PI16: variants seen among roughly 807,000 people sequenced by gnomAD.
PI16 encodes peptidase inhibitor 16, also known as PSP94-binding protein.
PI16 carries 35 observed loss-of-function variants against 38.0 expected under a neutral mutation model. That is an observed-to-expected ratio of 0.92 (90% confidence interval 0.70 to 1.22). PI16 has a LOEUF of 1.22. Ranked by LOEUF, PI16 falls within the 50% of genes most tolerant of loss-of-function variation. The pLI, the probability that PI16 is intolerant of heterozygous loss-of-function variation, is 0.00. For missense variants in PI16, 572 were observed against 593.8 expected, an observed-to-expected ratio of 0.96 and a Z score of 0.38; for synonymous variants, 275 against 252.9, an observed-to-expected ratio of 1.09 and a Z score of -0.83.
At position 36,959,500 on chromosome 6, in the gene PI16, G is replaced by A. The variant is rs1763297326; in HGVS notation, c.393+134G>A. On this transcript the variant is annotated intron_variant, in intron 2 of 6. Coordinates refer to ENST00000373674, the MANE Select transcript of PI16 (RefSeq NM_153370.3). Reference sequence around the variant, plus strand: ...TGCAAGTAGGCGGGCTTCACTCCAAGCCCCCTCAGACACTTTGCAAATCTT... The same window carrying A: ...TGCAAGTAGGCGGGCTTCACTCCAAACCCCCTCAGACACTTTGCAAATCTT... 1.0e-5 allele frequency: 9 copies of A among 858,722 alleles called. No individual in the cohort carries two copies. In the South Asian group the frequency reaches 1.6e-4, roughly 15 times the overall value. The allele number at this position is 858,722 out of a possible 1,614,324, so 53.2% of individuals were successfully genotyped here.
intron 2 of PI16, among the ~76,000 whole-genome samples, chr6:36,960,892 C>T (rs1196465671): frequency 6.6e-6 from 1 of 152,084 alleles, no homozygotes; most frequent in African/African-American, 2.4e-5. Context: ...TGGCAGCACA[C>T]AAATGTTGTT....
At chr6:36,951,910 C>A (rs983678787), upstream of PI16, among the ~76,000 whole-genome samples, 1 of 151,434 alleles carries the variant, frequency 6.6e-6, no homozygotes, top group Non-Finnish European at 1.5e-5. Context: ...AAAACAACAA[C>A]AAAAAACCCA....
At chr6:36,955,399 G>A (rs563226232) in intron 1 of PI16, among the ~76,000 whole-genome samples, 3 of 152,288 alleles carry the variant, frequency 2.0e-5, no homozygotes, top group Admixed American at 1.3e-4. Context: ...GGATGGGCGT[G>A]GGCACGTGGA....
At position 36,962,352 on chromosome 6, in the gene PI16, C is replaced by T. The variant is rs965041003; in HGVS notation, c.592+378C>T. ...CTTGCTGGGGGCGTGTGAGGGACCG[C>T]GATCCCGCTGGAGAAGTCCCCTGAA... is the stretch of plus-strand genomic sequence containing the variant. On this transcript the variant is annotated intron_variant, in intron 4 of 6. Transcript: ENST00000373674. The surrounding 1 kb of genome is among the most constrained non-coding windows in gnomAD (Gnocchi z 4.1). Among the ~76,000 whole-genome samples the T allele has an allele frequency of 8.5e-5, 13 of 152,170 alleles. No homozygotes were observed. The highest frequency in any genetic ancestry group is 2.9e-4 in the African/African-American group (12 of 41,428).
intron 1 of PI16, among the ~76,000 whole-genome samples, chr6:36,956,190 G>C (rs1231233213): frequency 1.3e-5 from 2 of 152,240 alleles, no homozygotes; most frequent in African/African-American, 4.8e-5. Flanking sequence ...GATCTAGGAA[G>C]AGCTCTGCAC....
exon 1 of PI16, chr6:36,948,375 C>T (rs937523268): frequency 2.0e-5 from 3 of 152,282 alleles, no homozygotes; most frequent in African/African-American, 7.2e-5. Flanking sequence ...TGTGTCCTTC[C>T]ATTCCTGAGT....
upstream of PI16, among the ~76,000 whole-genome samples, chr6:36,953,020 G>C (rs116557933): frequency 1.8e-3 from 278 of 152,176 alleles, no homozygotes; most frequent in African/African-American, 6.5e-3. Context: ...TGCTTCCTTG[G>C]TTAAGTTTAT....
chr6:36,956,215 C>T (rs1394684260), intron 1 of PI16, among the ~76,000 whole-genome samples: 2 of 152,190 alleles, frequency 1.3e-5, no homozygotes, highest in South Asian at 2.1e-4. Flanking sequence ...CCAGCACTGC[C>T]GTTCACAGCT....
intron 1 of PI16, among the ~76,000 whole-genome samples, chr6:36,948,682 T>TTCCTCCTTCCTC (rs1763053342): frequency 9.4e-6 from 1 of 106,316 alleles, no homozygotes; most frequent in Non-Finnish European, 2.0e-5. Context: ...CCTCCCTCCT[T>TTCCTCCTTCCTC]CCTCCCTCCT....
Position 36,954,769 on chromosome 6 carries a change from C to T in PI16, c.9C>T (p.Gly3=), listed in dbSNP as rs1561893613. ...AGAGACGGCTGGCCACCATGCACGG[C>T]TCCTGCAGTTTCCTGATGCTTCTGC... is the stretch of plus-strand genomic sequence containing the variant. MH[G]SCSFLMLLLP... is the part of the protein sequence containing the mutation. The change falls in exon 1 of 7, where the codon GGC becomes GGT. Residue 3 remains glycine (G), a synonymous_variant. Coordinates refer to ENST00000373674, the MANE Select transcript of PI16 (RefSeq NM_153370.3). 5 of 1,612,866 alleles carry T rather than the reference C, an allele frequency of 3.1e-6. No individual in the cohort carries two copies. The highest frequency in any genetic ancestry group is 4.2e-6 in the Non-Finnish European group (5 of 1,179,644).
In PI16 at chr6:36,961,889, G is replaced by A. The variant is rs761884137; in HGVS notation, c.507G>A (p.Gly169=). The change falls in exon 4 of 7, where the codon GGG becomes GGA. Residue 169 remains glycine, a synonymous_variant. Transcript: ENST00000373674. Reference sequence around the variant, plus strand: ...GCATCCTCCTGACCTCCTGTAGGGGGAACGTGAAGGGGAAACGGCCCTACC... The same window carrying A: ...GCATCCTCCTGACCTCCTGTAGGGGAAACGTGAAGGGGAAACGGCCCTACC... The part of the protein sequence containing the change: ...ELLVCNYEPP[G]NVKGKRPYQE... 17 of 1,613,744 alleles carry A rather than the reference G, an allele frequency of 1.1e-5. No homozygotes were observed. In the African/African-American group the frequency reaches 1.1e-4, roughly 10 times the overall value.
chr6:36,960,324 G>GGT (rs1561896570), intron 2 of PI16, among the ~76,000 whole-genome samples: 22 of 73,074 alleles, frequency 3.0e-4, no homozygotes, highest in Non-Finnish European at 5.6e-4. Context: ...TTGCAGATAA[G>GGT]ATGTGTGTGT....
chr6:36,951,917 C>T (rs1486656048), upstream of PI16, among the ~76,000 whole-genome samples: 1 of 151,958 alleles, frequency 6.6e-6, no homozygotes, highest in African/African-American at 2.4e-5. Context: ...CAACAAAAAA[C>T]CCACAAAATA....
At chr6:36,957,879 C>T (rs1221337319) in intron 1 of PI16, among the ~76,000 whole-genome samples, 1 of 152,208 alleles carries the variant, frequency 6.6e-6, no homozygotes, top group Non-Finnish European at 1.5e-5. Context: ...CAGTCCAGCC[C>T]GGCACCTCGC....
intron 2 of PI16, among the ~76,000 whole-genome samples, chr6:36,961,086 C>A (rs1331022829): frequency 6.6e-6 from 1 of 152,144 alleles, no homozygotes; most frequent in Non-Finnish European, 1.5e-5. Flanking sequence ...ATTTGAGATT[C>A]TTTCGTTTGG....
At chr6:36,959,114 C>T in intron 1 of PI16, 31 bp from the exon 2 acceptor site, 1 of 1,575,462 alleles carries the variant, frequency 6.3e-7, no homozygotes, top group Non-Finnish European at 8.6e-7. Flanking sequence ...CTGTGGGCAT[C>T]CTCACCTCCC....
In PI16 at chr6:36,963,619, C is replaced by T. The variant is rs774368903; in HGVS notation, c.1270+7C>T. The T allele has an allele frequency of 5.6e-6, 9 of 1,610,710 alleles. No individual in the cohort carries two copies. Among genetic ancestry groups the T allele is most frequent in the Non-Finnish European group, 6.8e-6 (8 of 1,177,826 alleles). ...CTGCAGTCGTCCTTGCCAGGTAAGG[C>T]CCATAGCATCTGTCCCACTTTCCTC... On this transcript the variant is annotated splice_region_variant and intron_variant, in intron 5 of 6. Coordinates refer to ENST00000373674, the MANE Select transcript of PI16 (RefSeq NM_153370.3).
chr6:36,954,845 A>C lies in PI16; in HGVS notation c.85A>C (p.Thr29Pro). Residue 29 changes from threonine to proline, a missense_variant, in exon 1 of 7, where the codon ACA becomes CCA. By Grantham distance (38) the Thr-to-Pro change is conservative. Transcript: ENST00000373674. Reference protein sequence around the residue: ...VATTGPVGALTDEEKRLMVEL... With the variant: ...VATTGPVGALPDEEKRLMVEL... ...CACCACAGGCCCCGTTGGAGCCCTC[A>C]CAGATGAGGAGAAACGTTTGATGGT... 1 of 1,613,944 alleles carries C rather than the reference A, an allele frequency of 6.2e-7. No individual in the cohort carries two copies. Among genetic ancestry groups the C allele is most frequent in the Non-Finnish European group, 8.5e-7 (1 of 1,179,988 alleles).
chr6:36,948,619 TTTCC>T (rs1561891204), intron 1 of PI16, among the ~76,000 whole-genome samples: 2 of 67,816 alleles, frequency 2.9e-5, no homozygotes, highest in African/African-American at 1.3e-4. Flanking sequence ...TCTTTTTTTT[TTTCC>T]TTCCTTCCTC....
Sources: gnomAD v4.1 joint callset for allele counts (sites outside exome capture counted in the v4.1 genomes callset) on GRCh38, gnomAD v4.1.1 for gene constraint, Gnocchi (gnomAD v3.1) non-coding constraint, MANE v1.5 for transcripts, NCBI Gene and HGNC (gene_info 2026-07-23, HGNC 2026-07-21) for gene names.